Variants in CDC37 observed in about 807,000 individuals in gnomAD.
CDC37 encodes the protein cell division cycle 37, HSP90 cochaperone, also known as hsp90 co-chaperone Cdc37.
In CDC37, 9 loss-of-function variants were observed where a neutral mutation model predicts 46.9. The ratio of observed to expected loss-of-function variants is 0.19; its 90% CI spans 0.12 to 0.33. The LOEUF (loss-of-function observed/expected upper bound fraction) is 0.33, where lower values mean the gene tolerates loss of function less well. CDC37 is among the 10% of genes least tolerant of loss of function. The pLI is 1.00. For synonymous variants in CDC37, 193 were observed against 191.0 expected (o/e 1.01, Z -0.09); for missense variants, 388 against 514.6 (o/e 0.75, Z 2.38).
At position 10,396,045 on chromosome 19, in the gene CDC37, C is replaced by T; in HGVS notation, c.261G>A (p.Glu87=). The T allele has an allele frequency of 6.2e-7, 1 of 1,614,050 alleles. No homozygotes were observed. The highest frequency in any genetic ancestry group is 8.5e-7 in the Non-Finnish European group (1 of 1,179,952). The change falls in exon 2 of 8, where the codon GAG becomes GAA. Residue 87 remains glutamate (E), a synonymous_variant. Transcript: ENST00000222005. This position sits in a 1 kb window ranked among gnomAD's most constrained non-coding sequence, Gnocchi z 5.9. ...GKAELERLQA[E]AQQLRKEERS... is the part of the protein sequence containing the mutation. ...GCTCCTCCTTGCGCAGCTGCTGTGCCTCGGCCTGCAGGCGCTCCAGCTCTG... is the reference window on the plus strand; with the variant it reads ...GCTCCTCCTTGCGCAGCTGCTGTGCTTCGGCCTGCAGGCGCTCCAGCTCTG...
chr19:10,399,960 GCTGTGGCCT>G (rs2042510475), intron 1 of CDC37, among the ~76,000 whole-genome samples: 1 of 94,886 alleles, frequency 1.1e-5, no homozygotes, highest in Non-Finnish European at 2.2e-5. Context: ...AAAAAAAGCA[GCTGTGGCCT>G]CTCCAACTCC....
At position 10,396,972 on chromosome 19, in the gene CDC37, G is replaced by A. The variant is rs116322389; in HGVS notation, c.103-769C>T. 6.6e-6 allele frequency among the ~76,000 whole-genome samples: 1 copy of A among 152,096 alleles called. No homozygotes were observed. The highest frequency in any genetic ancestry group is 1.5e-5 in the Non-Finnish European group (1 of 68,028). ...CCCCACAGCTGACTCCATGGCACCC[G>A]TGCCATCTGGGCTCCATGTTGCCTT... On this transcript the variant is annotated intron_variant, in intron 1 of 7. Coordinates refer to ENST00000222005, the MANE Select transcript of CDC37 (RefSeq NM_007065.4). The surrounding 1 kb of genome is among the most constrained non-coding windows in gnomAD (Gnocchi z 5.9).
At chr19:10,397,654 C>T (rs2042499202) in intron 1 of CDC37, among the ~76,000 whole-genome samples, 1 of 152,056 alleles carries the variant, frequency 6.6e-6, no homozygotes, top group Non-Finnish European at 1.5e-5. Context: ...ATCCACCCAC[C>T]TTGGCCTCCC....
chr19:10,396,339 G>A lies in CDC37; in HGVS notation c.103-136C>T. On this transcript the variant is annotated intron_variant, in intron 1 of 7. Transcript: ENST00000222005. The surrounding 1 kb of genome is among the most constrained non-coding windows in gnomAD (Gnocchi z 5.9). ...CCCGTGCCCTGGTCTCCCAGCTTCCGCCCCTGCGCCCACAGGTGCCAGCGC... is the reference window on the plus strand; with the variant it reads ...CCCGTGCCCTGGTCTCCCAGCTTCCACCCCTGCGCCCACAGGTGCCAGCGC... 2 of 1,006,224 alleles carry A rather than the reference G, an allele frequency of 2.0e-6. No homozygotes were observed. Among genetic ancestry groups the A allele is most frequent in the South Asian group, 1.7e-5 (1 of 59,978 alleles). The allele number at this position is 1,006,224 out of a possible 1,614,324, so 62.3% of individuals were successfully genotyped here. A position where few individuals can be genotyped will look rare whatever the true frequency, so the allele number is the denominator to read the frequency against.
In CDC37 at chr19:10,403,482, T is replaced by C. The variant is rs2042531248; in HGVS notation, c.-3A>G. On this transcript the variant is annotated 5_prime_UTR_variant, in exon 1 of 8. Coordinates refer to ENST00000222005, the MANE Select transcript of CDC37 (RefSeq NM_007065.4). ...TCCCACACGCTGTAGTCCACCATCT[T>C]GCCTTGGCGGCCCAGCCCGCTCCGG... 1 of 1,611,390 alleles carries C rather than the reference T, an allele frequency of 6.2e-7. No homozygotes were observed. Among genetic ancestry groups the C allele is most frequent in the Non-Finnish European group, 8.5e-7 (1 of 1,178,504 alleles).
Position 10,393,328 on chromosome 19 carries a change from C to T in CDC37, c.840G>A (p.Glu280=), listed in dbSNP as rs773430428. Residue 280 remains glutamate (E), a synonymous_variant, in exon 6 of 8, where the codon GAG becomes GAA. Coordinates refer to ENST00000222005, the MANE Select transcript of CDC37 (RefSeq NM_007065.4). The surrounding 1 kb of genome is among the most constrained non-coding windows in gnomAD (Gnocchi z 4.9). ...RIEKAMKEYE[E]EERKKRLGPG... The stretch of plus-strand genomic sequence containing the variant: ...GGCCGAGCCGCTTCTTGCGCTCCTC[C>T]TCCTCGTACTCCTTCATGGCCTTCT... 6 of 1,613,956 alleles carry T rather than the reference C, an allele frequency of 3.7e-6. No homozygotes were observed. Among genetic ancestry groups the T allele is most frequent in the Non-Finnish European group, 5.1e-6 (6 of 1,179,978 alleles).
In CDC37 at chr19:10,393,206, G is replaced by T. The variant is rs547194469; in HGVS notation, c.910-49C>A. On this transcript the variant is annotated intron_variant, in intron 6 of 7. Coordinates refer to ENST00000222005, the MANE Select transcript of CDC37 (RefSeq NM_007065.4). The surrounding 1 kb of genome is among the most constrained non-coding windows in gnomAD (Gnocchi z 4.9). ...TCAGGGGCTGGGTCCCTGTGGCCCT[G>T]GGGGGTCCCGCTCAGGGTCTTCCTG... 3 of 1,610,454 alleles carry T rather than the reference G, an allele frequency of 1.9e-6. No homozygotes were observed. Among genetic ancestry groups the T allele is most frequent in the Admixed American group, 1.7e-5 (1 of 59,938 alleles).
intron 1 of CDC37, among the ~76,000 whole-genome samples, chr19:10,402,459 G>A (rs1156400518): frequency 6.6e-6 from 1 of 152,090 alleles, no homozygotes; most frequent in Non-Finnish European, 1.5e-5. Context: ...GGGACAAAAG[G>A]TGGGGTGGGT....
At chr19:10,399,066 C>T (rs139094702) in intron 1 of CDC37, among the ~76,000 whole-genome samples, 221 of 152,268 alleles carry the variant, frequency 1.5e-3, no homozygotes, top group Non-Finnish European at 2.6e-3. Flanking sequence ...GAGGCTGTGT[C>T]CCCAGGTTCT....
chr19:10,397,567 C>T (rs1401951441), intron 1 of CDC37, among the ~76,000 whole-genome samples: 1 of 152,034 alleles, frequency 6.6e-6, no homozygotes, highest in East Asian at 1.9e-4. Context: ...CGCGCCACCA[C>T]GCCTGGGTAA....
At chr19:10,403,146 T>C (rs998328703) in intron 1 of CDC37, among the ~76,000 whole-genome samples, 1 of 151,504 alleles carries the variant, frequency 6.6e-6, no homozygotes, top group Non-Finnish European at 1.5e-5. Flanking sequence ...AGGGGGTGAA[T>C]AGGGAATCCC....
rs186466488 is a variant in CDC37, at chr19:10,395,904, G to A, written c.378+24C>T. The A allele has an allele frequency of 1.4e-3, 2,146 of 1,541,920 alleles. 58 individuals carry two copies. The Admixed American group carries it at 0.037, about 26-fold the overall frequency. ...GGCTCTCTGGCTGCGCATGCGCACT[G>A]CCCGCCCCGCCCGCCCCGCACACCT... On this transcript the variant is annotated intron_variant, in intron 2 of 7. Transcript: ENST00000222005.
chr19:10,391,912 C>A (rs2042459230), intron 7 of CDC37, among the ~76,000 whole-genome samples: 1 of 152,210 alleles, frequency 6.6e-6, no homozygotes, highest in Non-Finnish European at 1.5e-5. Context: ...TCAAGTGATT[C>A]TCCTGCCTCA....
rs1287541158 is a variant in CDC37, at chr19:10,402,498, A to G, written c.102+880T>C. ...GGGTTCTGGGCTTGAGTTAGGGGAG[A>G]GTTTCCAATGCTGGCTGAGGCTCAT... On this transcript the variant is annotated intron_variant, in intron 1 of 7. Transcript: ENST00000222005. Among the ~76,000 whole-genome samples the G allele has an allele frequency of 2.0e-5, 3 of 151,894 alleles. No individual in the cohort carries two copies. In the East Asian group the frequency reaches 5.8e-4, roughly 29 times the overall value.
chr19:10,393,427 C>T lies in CDC37; in HGVS notation c.741G>A (p.Gln247=), dbSNP rs763752940. The change falls in exon 6 of 8, where the codon CAG becomes CAA. Residue 247 remains glutamine, a synonymous_variant. Transcript: ENST00000222005. This position sits in a 1 kb window ranked among gnomAD's most constrained non-coding sequence, Gnocchi z 4.9. ...FFTKIKTADR[Q]YMEGFNDELE... is the part of the protein sequence containing the mutation. ...GCTCGTCGTTGAAGCCCTCCATGTACTGGCGATCGGCTGTCTATGGGGGTT... is the reference window on the plus strand; with the variant it reads ...GCTCGTCGTTGAAGCCCTCCATGTATTGGCGATCGGCTGTCTATGGGGGTT... 1 of 1,612,410 alleles carries T rather than the reference C, an allele frequency of 6.2e-7. No homozygotes were observed. Among genetic ancestry groups the T allele is most frequent in the East Asian group, 2.2e-5 (1 of 44,882 alleles).
At position 10,403,523 on chromosome 19, in the gene CDC37, CGGCG is replaced by C; in HGVS notation, c.-48_-45del. The C allele has an allele frequency of 2.0e-6, 3 of 1,484,738 alleles. No individual in the cohort carries two copies. The highest frequency in any genetic ancestry group is 2.8e-6 in the Non-Finnish European group (3 of 1,070,526). 92.0% of individuals were successfully genotyped at this position (1,484,738 alleles called of 1,614,324 possible). A position where few individuals can be genotyped will look rare whatever the true frequency, so the allele number is the denominator to read the frequency against. ...CCCGCTCCGGCTCGGGTGGCGGCGA[CGGCG>C]GCAGCAGTGGAGACTAGGAGCGCGG... On this transcript the variant is annotated 5_prime_UTR_variant, in exon 1 of 8. Coordinates refer to ENST00000222005, the MANE Select transcript of CDC37 (RefSeq NM_007065.4).
Position 10,391,442 on chromosome 19 carries a change from G to A in CDC37, c.*109C>T, listed in dbSNP as rs941483820. The A allele has an allele frequency of 2.7e-5, 38 of 1,399,096 alleles. No individual in the cohort carries two copies. Among genetic ancestry groups the A allele is most frequent in the Middle Eastern group, 1.9e-4 (1 of 5,336 alleles). The allele number at this position is 1,399,096 out of a possible 1,614,324, so 86.7% of individuals were successfully genotyped here. A position where few individuals can be genotyped will look rare whatever the true frequency, so the allele number is the denominator to read the frequency against. On this transcript the variant is annotated 3_prime_UTR_variant, in exon 8 of 8. Coordinates refer to ENST00000222005, the MANE Select transcript of CDC37 (RefSeq NM_007065.4). ...CTGGGCGGGCCCCCCAGGCTGGGCCGAGCAGCGCAAGTAGAGGAAGTCAGG... is the reference window on the plus strand; with the variant it reads ...CTGGGCGGGCCCCCCAGGCTGGGCCAAGCAGCGCAAGTAGAGGAAGTCAGG...
In CDC37 at chr19:10,396,570, C is replaced by G. The variant is rs1014490001; in HGVS notation, c.103-367G>C. Among the ~76,000 whole-genome samples, 6 of 151,748 alleles carry G rather than the reference C, an allele frequency of 4.0e-5. No individual in the cohort carries two copies. Among genetic ancestry groups the G allele is most frequent in the Admixed American group, 3.9e-4 (6 of 15,224 alleles). On this transcript the variant is annotated intron_variant, in intron 1 of 7. Transcript: ENST00000222005. This position sits in a 1 kb window ranked among gnomAD's most constrained non-coding sequence, Gnocchi z 5.9. The stretch of plus-strand genomic sequence containing the variant: ...AGGCCATTTTTTTTGTTTAAGAAAA[C>G]AAAACAAAACAAAACAAAAAACAGG...
At chr19:10,392,929 A>AAAT in intron 7 of CDC37, 157 bp downstream of exon 7, 1 of 649,450 alleles carries the variant, frequency 1.5e-6, no homozygotes, top group Non-Finnish European at 2.8e-6. Context: ...GTAGGTGCTC[A>AAAT]ATATATGTGG....
Sources: gnomAD v4.1 joint callset for allele counts (sites outside exome capture counted in the v4.1 genomes callset) on GRCh38, gnomAD v4.1.1 for gene constraint, Gnocchi (gnomAD v3.1) non-coding constraint, MANE v1.5 for transcripts, NCBI Gene and HGNC (gene_info 2026-07-23, HGNC 2026-07-21) for gene names.